Variants in CSMD1 observed in about 807,000 individuals in gnomAD.
CSMD1 encodes the protein CUB and sushi domain-containing protein 1.
CSMD1 carries 213 observed loss-of-function variants against 417.5 expected under a neutral mutation model. That is an observed-to-expected ratio of 0.51 (90% CI 0.46 to 0.57). CSMD1 has a LOEUF of 0.57. Among genes scored for constraint, CSMD1 ranks in the 20% least tolerant of loss-of-function variants. The pLI, the probability that CSMD1 is intolerant of heterozygous loss-of-function variation, is 0.00. For synonymous variants in CSMD1, 2,862 were observed against 1,736.8 expected (o/e 1.65, Z -16.11); for missense variants, 6,923 against 4,529.7 (o/e 1.53, Z -15.17).
intron 26 of CSMD1, among the ~76,000 whole-genome samples, chr8:3,276,481 C>A (rs922890988): frequency 1.3e-5 from 2 of 152,116 alleles, no homozygotes; most frequent in East Asian, 3.9e-4. Flanking sequence ...GGGAAACTCC[C>A]ATTTATAAAA....
chr8:4,629,867 T>C (rs1802402551), intron 2 of CSMD1, among the ~76,000 whole-genome samples: 1 of 152,190 alleles, frequency 6.6e-6, no homozygotes, highest in Admixed American at 6.5e-5. Flanking sequence ...TGTTCTTCTG[T>C]TCCCTTTGTG....
chr8:4,842,897 T>A (rs1226334266), intron 1 of CSMD1, among the ~76,000 whole-genome samples: 3 of 152,166 alleles, frequency 2.0e-5, no homozygotes, highest in Non-Finnish European at 4.4e-5. Context: ...AAACGTAGAA[T>A]TGGAATAAAT....
chr8:4,725,936 G>C (rs921544968), intron 1 of CSMD1, among the ~76,000 whole-genome samples: 5 of 152,244 alleles, frequency 3.3e-5, no homozygotes, highest in African/African-American at 1.2e-4. Context: ...CTCTCCAGTA[G>C]ATACACGGCA....
intron 2 of CSMD1, among the ~76,000 whole-genome samples, chr8:4,468,479 C>G (rs2130022590): frequency 6.6e-6 from 1 of 152,110 alleles, no homozygotes; most frequent in African/African-American, 2.4e-5. Context: ...CTTGATATAC[C>G]AACTCATTCT....
intron 1 of CSMD1, among the ~76,000 whole-genome samples, chr8:4,919,126 A>T (rs957851419): frequency 2.6e-5 from 4 of 152,224 alleles, no homozygotes; most frequent in Non-Finnish European, 5.9e-5. Flanking sequence ...TACTTCTATA[A>T]AGTTAGAATG....
chr8:4,143,343 G>A (rs34595921), intron 3 of CSMD1, among the ~76,000 whole-genome samples: 44,828 of 148,118 alleles, frequency 0.3, 8,323 homozygotes, highest in Non-Finnish European at 0.39. Context: ...TGATTCATGG[G>A]CTGCTGAAAT....
At chr8:3,130,735 G>A (rs1247749737) in intron 41 of CSMD1, among the ~76,000 whole-genome samples, 1 of 151,658 alleles carries the variant, frequency 6.6e-6, no homozygotes, top group Non-Finnish European at 1.5e-5. Flanking sequence ...CCAGAGAGTG[G>A]CAGACCCCAG....
At chr8:4,208,678 C>T (rs906539938) in intron 3 of CSMD1, among the ~76,000 whole-genome samples, 2 of 152,002 alleles carry the variant, frequency 1.3e-5, no homozygotes, top group Admixed American at 6.6e-5. Flanking sequence ...TGCAAAACAT[C>T]ATGATGAGTC....
rs552529321 is a variant in CSMD1, at chr8:4,097,987, G to C, written c.416-65888C>G. Among the ~76,000 whole-genome samples, 18 of 152,264 alleles carry C rather than the reference G, an allele frequency of 1.2e-4. No individual in the cohort carries two copies. In the South Asian group the frequency reaches 3.7e-3, roughly 32 times the overall value. ...CTTATTTTTTAGAATCTGTGGATCAGATGGAAATGAACTCTGTCAAGAGTG... is the reference window on the plus strand; with the variant it reads ...CTTATTTTTTAGAATCTGTGGATCACATGGAAATGAACTCTGTCAAGAGTG... On this transcript the variant is annotated intron_variant, in intron 3 of 69. Transcript: ENST00000635120.
At chr8:4,506,679 C>G (rs1802543566) in intron 2 of CSMD1, among the ~76,000 whole-genome samples, 1 of 152,206 alleles carries the variant, frequency 6.6e-6, no homozygotes, top group East Asian at 1.9e-4. Context: ...TTTCACAGAG[C>G]TTAACCTCCT....
At chr8:4,473,553 C>T (rs558765261) in intron 2 of CSMD1, among the ~76,000 whole-genome samples, 40 of 152,302 alleles carry the variant, frequency 2.6e-4, no homozygotes, top group African/African-American at 9.6e-4. Context: ...TCTTGTACTT[C>T]TGCCTCTCCA....
At chr8:3,597,669 A>G (rs1801158028) in intron 8 of CSMD1, among the ~76,000 whole-genome samples, 1 of 152,192 alleles carries the variant, frequency 6.6e-6, no homozygotes, top group South Asian at 2.1e-4. Context: ...AAAAATGATG[A>G]GTTCATGTCC....
chr8:3,307,852 C>T (rs1420510896), intron 24 of CSMD1, 31 bp from the exon 25 acceptor site: 17 of 1,600,850 alleles, frequency 1.1e-5, no homozygotes, highest in Middle Eastern at 1.7e-4. Context: ...TGGGAACGTT[C>T]AGCTTCAGGC....
intron 23 of CSMD1, among the ~76,000 whole-genome samples, chr8:3,321,791 A>C (rs1309641617): frequency 1.9e-4 from 29 of 151,896 alleles, no homozygotes; most frequent in Admixed American, 1.9e-3. Context: ...AAATAAAAAT[A>C]AGTGAGCTGA....
In CSMD1 at chr8:3,896,017, C is replaced by A. The variant is rs142762465; in HGVS notation, c.818+101886G>T. Among the ~76,000 whole-genome samples the A allele has an allele frequency of 3.9e-3, 599 of 152,278 alleles. 5 individuals are homozygous for A. The highest frequency in any genetic ancestry group is 0.01 in the Middle Eastern group (3 of 294). ...ATCATTCAGTGCAGTGTGGTTTCTT[C>A]CAGAAAAAGAAAGGAAGAAATGACT... On this transcript the variant is annotated intron_variant, in intron 5 of 69. Coordinates refer to ENST00000635120, the MANE Select transcript of CSMD1 (RefSeq NM_033225.6).
intron 7 of CSMD1, among the ~76,000 whole-genome samples, chr8:3,659,931 G>A (rs1032976954): frequency 6.6e-6 from 1 of 152,152 alleles, no homozygotes; most frequent in Admixed American, 6.5e-5. Flanking sequence ...TCTTCATTGT[G>A]TAATCTAAAA....
chr8:4,053,975 T>C (rs937277651), intron 3 of CSMD1, among the ~76,000 whole-genome samples: 2 of 152,214 alleles, frequency 1.3e-5, no homozygotes, highest in East Asian at 1.9e-4. Flanking sequence ...TTCAAAAGTA[T>C]ATAAGGAAGT....
chr8:3,654,823 G>C (rs1204144738), intron 7 of CSMD1, among the ~76,000 whole-genome samples: 2 of 152,056 alleles, frequency 1.3e-5, no homozygotes, highest in African/African-American at 2.4e-5. Flanking sequence ...TGGCGCCCAG[G>C]ATCCATAGAA....
intron 1 of CSMD1, among the ~76,000 whole-genome samples, chr8:4,717,513 T>C (rs117393245): frequency 0.016 from 2,439 of 151,580 alleles, 29 homozygotes; most frequent in Middle Eastern, 0.034. Context: ...TATGACAAGA[T>C]TCAGTTACAA....
Sources: allele counts gnomAD v4.1 joint callset (sites outside exome capture counted in the v4.1 genomes callset), GRCh38; gene constraint gnomAD v4.1.1; transcripts MANE v1.5; gene names NCBI Gene and HGNC (gene_info 2026-07-23, HGNC 2026-07-21).